ZNF629: variants seen among roughly 807,000 people sequenced by gnomAD.
ZNF629 encodes the protein zinc finger protein 629.
In ZNF629, 9 loss-of-function variants were observed where a neutral mutation model predicts 59.7. That is an observed-to-expected ratio of 0.15 (90% CI 0.09 to 0.26). ZNF629 has a LOEUF of 0.26. Among genes scored for constraint, ZNF629 ranks in the 10% least tolerant of loss-of-function variants. The probability of loss-of-function intolerance (pLI) is 1.00; values close to 1 mark genes in which losing one functional copy is unlikely to be tolerated. For missense variants in ZNF629, 853 were observed against 1,165.4 expected, an observed-to-expected ratio of 0.73 and a Z score of 3.90; for synonymous variants, 509 against 498.9, an observed-to-expected ratio of 1.02 and a Z score of -0.27.
chr16:30,781,601 C>T lies in ZNF629; in HGVS notation c.*117G>A. 9.6e-7 allele frequency: 1 copy of T among 1,041,632 alleles called. No individual in the cohort carries two copies. Among genetic ancestry groups the T allele is most frequent in the Non-Finnish European group, 1.3e-6 (1 of 773,082 alleles). The allele number at this position is 1,041,632 out of a possible 1,614,324, so 64.5% of individuals were successfully genotyped here. On this transcript the variant is annotated 3_prime_UTR_variant, in exon 3 of 3. Coordinates refer to ENST00000262525, the MANE Select transcript of ZNF629 (RefSeq NM_001080417.3). The stretch of plus-strand genomic sequence containing the variant: ...ACTATTTTTTCCCAGGGTTCTTTCT[C>T]CTCCACTCCACTACCATCTGATAGG...
rs148839057 is a variant in ZNF629, at chr16:30,783,173, C to G, written c.1155G>C (p.Leu385=). ...KCPVCGKTFT[L]SATLLRHQRT... ...GCTGGTGCCGCAGCAACGTGGCGCT[C>G]AGGGTGAAGGTCTTGCCGCACACTG... Residue 385 remains leucine (L), a synonymous_variant, in exon 3 of 3, where the codon CTG becomes CTC. Transcript: ENST00000262525. 568 of 1,612,926 alleles carry G rather than the reference C, an allele frequency of 3.5e-4. 1 individual carries two copies. The African/African-American group carries it at 6.6e-3, about 19-fold the overall frequency.
At position 30,784,191 on chromosome 16, in the gene ZNF629, A is replaced by G; in HGVS notation, c.137T>C (p.Met46Thr). 2 of 1,609,472 alleles carry G rather than the reference A, an allele frequency of 1.2e-6. No individual in the cohort carries two copies. The highest frequency in any genetic ancestry group is 1.1e-5 in the South Asian group (1 of 90,468). ...TTCTGGACTCTGAGCCGGGTCTCCC[A>G]TGATGATCTCCTCCCCAGAACTTTC... is the stretch of plus-strand genomic sequence containing the variant. ...RQESSGEEIIMGDPAQSPESK... is the reference protein window; with the variant it reads ...RQESSGEEIITGDPAQSPESK... Residue 46 changes from methionine (M) to threonine (T), a missense_variant, in exon 3 of 3, where the codon ATG (methionine) becomes ACG (threonine). Around this residue, in one of 3 missense-constraint regions of ZNF629, gnomAD observed 232 missense variants for 193.4 expected, o/e 1.20. Transcript: ENST00000262525.
rs2054255037 is a variant in ZNF629, at chr16:30,778,563, G to A, written c.*3155C>T. On this transcript the variant is annotated 3_prime_UTR_variant, in exon 3 of 3. Coordinates refer to ENST00000262525, the MANE Select transcript of ZNF629 (RefSeq NM_001080417.3). Reference sequence around the variant, plus strand: ...AAATGGGGCCTCTCTTCACTCCATGGGGACAAGTCCGGTGACTGGGGCTTC... The same window carrying A: ...AAATGGGGCCTCTCTTCACTCCATGAGGACAAGTCCGGTGACTGGGGCTTC... The A allele has an allele frequency of 6.5e-6, 1 of 152,750 alleles. No homozygotes were observed. The highest frequency in any genetic ancestry group is 1.5e-5 in the Non-Finnish European group (1 of 68,168). The allele number at this position is 152,750 out of a possible 1,614,324, so 9.5% of individuals were successfully genotyped here.
chr16:30,778,549 C>T lies in ZNF629; in HGVS notation c.*3169G>A, dbSNP rs1317856444. On this transcript the variant is annotated 3_prime_UTR_variant, in exon 3 of 3. Coordinates refer to ENST00000262525, the MANE Select transcript of ZNF629 (RefSeq NM_001080417.3). ...CACACAACACTCAAAAATGGGGCCT[C>T]TCTTCACTCCATGGGGACAAGTCCG... 3.9e-5 allele frequency: 6 copies of T among 152,800 alleles called. No homozygotes were observed. Among genetic ancestry groups the T allele is most frequent in the Non-Finnish European group, 1.5e-5 (1 of 68,180 alleles). 9.5% of individuals were successfully genotyped at this position (152,800 alleles called of 1,614,324 possible).
rs954306381 is a variant in ZNF629 at position 30,779,996 on chromosome 16, G to A, written c.*1722C>T. ...TTTCTGTCTTCCACCATCTCATAGG[G>A]CAACAGTCTCTCCCCAGCCACATAT... On this transcript the variant is annotated 3_prime_UTR_variant, in exon 3 of 3. Coordinates refer to ENST00000262525, the MANE Select transcript of ZNF629 (RefSeq NM_001080417.3). 1.3e-5 allele frequency: 2 copies of A among 152,464 alleles called. No individual in the cohort carries two copies. Among genetic ancestry groups the A allele is most frequent in the African/African-American group, 4.8e-5 (2 of 41,370 alleles). The allele number at this position is 152,464 out of a possible 1,614,324, so 9.4% of individuals were successfully genotyped here.
In ZNF629 at chr16:30,784,090, G is replaced by C. The variant is rs2054308707; in HGVS notation, c.238C>G (p.Leu80Val). ...TGGTCCAAGGGATTGGAGTGACCCA[G>C]TGGGGTTGGGGGGTTCTGGGGGACA... ...PSVPQNPPTP[L>V]GHSNPLDHQI... The change falls in exon 3 of 3, where the codon CTG (leucine) becomes GTG (valine). Residue 80 changes from leucine (L) to valine (V), a missense_variant. Coordinates refer to ENST00000262525, the MANE Select transcript of ZNF629 (RefSeq NM_001080417.3). The C allele has an allele frequency of 6.2e-7, 1 of 1,603,642 alleles. No individual in the cohort carries two copies. Among genetic ancestry groups the C allele is most frequent in the Non-Finnish European group, 8.5e-7 (1 of 1,177,186 alleles).
rs1161837217 is a variant in ZNF629, at chr16:30,780,171, AATCC to A, written c.*1543_*1546del. 6.6e-6 allele frequency: 1 copy of A among 152,538 alleles called. No homozygotes were observed. The highest frequency in any genetic ancestry group is 2.4e-5 in the African/African-American group (1 of 41,400). The allele number at this position is 152,538 out of a possible 1,614,324, so 9.4% of individuals were successfully genotyped here. A position where few individuals can be genotyped will look rare whatever the true frequency, so the allele number is the denominator to read the frequency against. ...GAGGAGAGGGGAGCCAAGTGAGTGG[AATCC>A]ATCCCATCCATCTCAAGGCTGAGAT... On this transcript the variant is annotated 3_prime_UTR_variant, in exon 3 of 3. Coordinates refer to ENST00000262525, the MANE Select transcript of ZNF629 (RefSeq NM_001080417.3).
In ZNF629 at chr16:30,784,455, G is replaced by T; in HGVS notation, c.28C>A (p.Pro10Thr). 6.4e-7 allele frequency: 1 copy of T among 1,561,484 alleles called. No homozygotes were observed. ...CTCTGTTCCGGACCCTGCAGATCCG[G>T]GCCCCACAGCGCAGTCTCGGGCTCC... MEPETALWG[P>T]DLQGPEQSPN... The change falls in exon 2 of 3, where the codon CCG becomes ACG. Residue 10 changes from proline (P) to threonine (T), a missense_variant. Around this residue, in one of 3 missense-constraint regions of ZNF629, gnomAD observed 232 missense variants for 193.4 expected, o/e 1.20. Transcript: ENST00000262525.
rs2054281285 is a variant in ZNF629 at position 30,781,626 on chromosome 16, G to A, written c.*92C>T. On this transcript the variant is annotated 3_prime_UTR_variant, in exon 3 of 3. Coordinates refer to ENST00000262525, the MANE Select transcript of ZNF629 (RefSeq NM_001080417.3). ...CCTCCACTCCACTACCATCTGATAG[G>A]GTTATCCTCCCTTCCCCATGTAATT... The A allele has an allele frequency of 7.7e-7, 1 of 1,301,460 alleles. No homozygotes were observed. The highest frequency in any genetic ancestry group is 1.0e-6 in the Non-Finnish European group (1 of 980,038). 80.6% of individuals were successfully genotyped at this position (1,301,460 alleles called of 1,614,324 possible). A position where few individuals can be genotyped will look rare whatever the true frequency, so the allele number is the denominator to read the frequency against.
Position 30,780,594 on chromosome 16 carries a change from C to A in ZNF629, c.*1124G>T, listed in dbSNP as rs1020804346. On this transcript the variant is annotated 3_prime_UTR_variant, in exon 3 of 3. Coordinates refer to ENST00000262525, the MANE Select transcript of ZNF629 (RefSeq NM_001080417.3). ...GGCAGTTAGATTTCAGGAAAAACCT[C>A]CTGAAGGTGAGACCTGAGAATGTGG... 2.0e-5 allele frequency: 3 copies of A among 152,564 alleles called. No homozygotes were observed. The highest frequency in any genetic ancestry group is 4.4e-5 in the Non-Finnish European group (3 of 68,038). 9.5% of individuals were successfully genotyped at this position (152,564 alleles called of 1,614,324 possible). A position where few individuals can be genotyped will look rare whatever the true frequency, so the allele number is the denominator to read the frequency against.
At position 30,780,785 on chromosome 16, in the gene ZNF629, G is replaced by A. The variant is rs139672919; in HGVS notation, c.*933C>T. ...GCTTCCGGAAGCAAGAAGGGGCCTG[G>A]AGTTAGCTGGGTTCCATGTGAGCAG... On this transcript the variant is annotated 3_prime_UTR_variant, in exon 3 of 3. Coordinates refer to ENST00000262525, the MANE Select transcript of ZNF629 (RefSeq NM_001080417.3). 287 of 152,298 alleles carry A rather than the reference G, an allele frequency of 1.9e-3. 1 individual carries two copies. Among genetic ancestry groups the A allele is most frequent in the African/African-American group, 6.2e-3 (257 of 41,550 alleles). The allele number at this position is 152,298 out of a possible 1,614,324, so 9.4% of individuals were successfully genotyped here.
chr16:30,782,384 C>A lies in ZNF629; in HGVS notation c.1944G>T (p.Glu648Asp). The A allele has an allele frequency of 6.3e-7, 1 of 1,576,560 alleles. No homozygotes were observed. The highest frequency in any genetic ancestry group is 8.6e-7 in the Non-Finnish European group (1 of 1,161,082). ...GCAGCCCCCGCCTCTGGCTGAAGCC[C>A]TCCTGACCCTCCGGCGGCTTAAGGG... ...GQPLKPPEGQ[E>D]GFSQRRGLLS... is the part of the protein sequence containing the mutation. The change falls in exon 3 of 3, where the codon GAG becomes GAT. Residue 648 changes from glutamate to aspartate, a missense_variant. By Grantham distance (45) the Glu-to-Asp change is conservative. This residue lies in a region of ZNF629 where 420 missense variants were observed against 435.6 expected (regional missense o/e 0.96). Coordinates refer to ENST00000262525, the MANE Select transcript of ZNF629 (RefSeq NM_001080417.3).
Position 30,779,603 on chromosome 16 carries a change from C to G in ZNF629, c.*2115G>C, listed in dbSNP as rs559797609. On this transcript the variant is annotated 3_prime_UTR_variant, in exon 3 of 3. Transcript: ENST00000262525. Reference sequence around the variant, plus strand: ...TCCTGAGGCCTGCCTTCTCCCTCTCCCCAGCAGGCCTGGCGTTTTCCTCCC... The same window carrying G: ...TCCTGAGGCCTGCCTTCTCCCTCTCGCCAGCAGGCCTGGCGTTTTCCTCCC... 2.6e-5 allele frequency: 4 copies of G among 152,326 alleles called. No individual in the cohort carries two copies. In the South Asian group the frequency reaches 6.2e-4, roughly 24 times the overall value. 9.4% of individuals were successfully genotyped at this position (152,326 alleles called of 1,614,324 possible). A position where few individuals can be genotyped will look rare whatever the true frequency, so the allele number is the denominator to read the frequency against.
Position 30,783,905 on chromosome 16 carries a change from G to A in ZNF629, c.423C>T (p.Gly141=). Residue 141 remains glycine (G), a synonymous_variant, in exon 3 of 3, where the codon GGC becomes GGT. Transcript: ENST00000262525. ...AGGGCTTCTCCGCCCCCGCCGGGCGGCCCTGCACCAGCTCCCGCAGGCTGG... is the reference window on the plus strand; with the variant it reads ...AGGGCTTCTCCGCCCCCGCCGGGCGACCCTGCACCAGCTCCCGCAGGCTGG... ...NEPSLRELVQ[G]RPAGAEKPYI... is the part of the protein sequence containing the mutation. 3 of 1,596,370 alleles carry A rather than the reference G, an allele frequency of 1.9e-6. No individual in the cohort carries two copies. Among genetic ancestry groups the A allele is most frequent in the Non-Finnish European group, 2.6e-6 (3 of 1,170,554 alleles).
Position 30,783,721 on chromosome 16 carries a change from C to T in ZNF629, c.607G>A (p.Glu203Lys). The T allele has an allele frequency of 6.2e-7, 1 of 1,613,798 alleles. No homozygotes were observed. Among genetic ancestry groups the T allele is most frequent in the Non-Finnish European group, 8.5e-7 (1 of 1,179,844 alleles). The change falls in exon 3 of 3, where the codon GAG becomes AAG. Residue 203 changes from glutamate to lysine, a missense_variant. Glu to Lys is a moderately conservative substitution (Grantham distance 56). Around this residue, in one of 3 missense-constraint regions of ZNF629, gnomAD observed 201 missense variants for 536.5 expected, o/e 0.37. Transcript: ENST00000262525. ...CAGTCGGGGCACTTGTAGGGCTTCT[C>T]GCCGGTGTGCGTGCGCTGGTGCTGC... ...LVQHQRTHTG[E>K]KPYKCPDCGK...
At chr16:30,784,610 T>C (rs1345133508) in intron 1 of ZNF629, 95 bp from the exon 2 acceptor site, 2 of 947,806 alleles carry the variant, frequency 2.1e-6, no homozygotes, top group East Asian at 5.6e-5. Context: ...CCCCGCCCCA[T>C]TCCTCCTTGT....
At position 30,783,125 on chromosome 16, in the gene ZNF629, G is replaced by A. The variant is rs999326160; in HGVS notation, c.1203C>T (p.Pro401=). 1.5e-5 allele frequency: 25 copies of A among 1,613,948 alleles called. No homozygotes were observed. The highest frequency in any genetic ancestry group is 2.1e-5 in the Non-Finnish European group (25 of 1,179,958). The change falls in exon 3 of 3, where the codon CCC becomes CCT. Residue 401 remains proline (P), a synonymous_variant. Transcript: ENST00000262525. ...RHQRTHTGER[P]YKCPECGKSF... Reference sequence around the variant, plus strand: ...TCTTGCCGCACTCTGGGCACTTGTAGGGCCGCTCGCCCGTGTGCGTGCGCT... The same window carrying A: ...TCTTGCCGCACTCTGGGCACTTGTAAGGCCGCTCGCCCGTGTGCGTGCGCT...
intron 1 of ZNF629, among the ~76,000 whole-genome samples, chr16:30,785,859 A>AAAAAAAATAAAT (rs370561114): frequency 7.1e-6 from 1 of 140,078 alleles, no homozygotes; most frequent in Admixed American, 7.3e-5. Context: ...GCCCCCTGGT[A>AAAAAAAATAAAT]AAATAAATAA....
In ZNF629 at chr16:30,780,405, C is replaced by T. The variant is rs1274843652; in HGVS notation, c.*1313G>A. The T allele has an allele frequency of 6.6e-6, 1 of 152,620 alleles. No homozygotes were observed. Among genetic ancestry groups the T allele is most frequent in the Non-Finnish European group, 1.5e-5 (1 of 68,052 alleles). 9.5% of individuals were successfully genotyped at this position (152,620 alleles called of 1,614,324 possible). A position where few individuals can be genotyped will look rare whatever the true frequency, so the allele number is the denominator to read the frequency against. On this transcript the variant is annotated 3_prime_UTR_variant, in exon 3 of 3. Coordinates refer to ENST00000262525, the MANE Select transcript of ZNF629 (RefSeq NM_001080417.3). The stretch of plus-strand genomic sequence containing the variant: ...GTTTAAAATCAAGTTGCTGGCTAAT[C>T]AAAGCTTTCTAAGAAATTCTGTGGC...
Sources: allele counts gnomAD v4.1 joint callset (sites outside exome capture counted in the v4.1 genomes callset), GRCh38; gene constraint gnomAD v4.1.1; regional missense constraint gnomAD v4.1.1; transcripts MANE v1.5; gene names NCBI Gene and HGNC (gene_info 2026-07-23, HGNC 2026-07-21).